N4BP2L1: variants seen among roughly 807,000 people sequenced by gnomAD.
N4BP2L1 encodes the protein NEDD4 binding protein 2 like 1, also known as NEDD4-binding protein 2-like 1.
A neutral mutation model predicts 21.2 loss-of-function variants in N4BP2L1; 12 were observed. That is an observed-to-expected ratio of 0.57 (90% CI 0.36 to 0.92). The LOEUF (loss-of-function observed/expected upper bound fraction) is 0.92, where lower values mean the gene tolerates loss of function less well. Among genes scored for constraint, N4BP2L1 ranks in the 40% least tolerant of loss-of-function variants. The pLI, the probability that N4BP2L1 is intolerant of heterozygous loss-of-function variation, is 0.01. For missense variants in N4BP2L1, 259 were observed against 310.6 expected, an observed-to-expected ratio of 0.83 and a Z score of 1.25; for synonymous variants, 104 against 112.8, an observed-to-expected ratio of 0.92 and a Z score of 0.49.
Position 32,401,939 on chromosome 13 carries a change from A to C in N4BP2L1, c.*1003T>G, listed in dbSNP as rs1439797323. 2.0e-6 allele frequency: 2 copies of C among 985,448 alleles called. No homozygotes were observed. Among genetic ancestry groups the C allele is most frequent in the South Asian group, 4.7e-5 (1 of 21,286 alleles). 61.0% of individuals were successfully genotyped at this position (985,448 alleles called of 1,614,324 possible). On this transcript the variant is annotated 3_prime_UTR_variant, in exon 5 of 5. Transcript: ENST00000380130. ...AATTTGGATTCATAAATTCAGCATC[A>C]GTATAAGAAGACATTCCAGAGTTGT...
chr13:32,413,701 CA>C (rs2073978959), intron 1 of N4BP2L1, among the ~76,000 whole-genome samples: 1 of 151,878 alleles, frequency 6.6e-6, no homozygotes, highest in East Asian at 1.9e-4. Flanking sequence ...TCTCTGATCA[CA>C]AAACAAAAAA....
intron 1 of N4BP2L1, among the ~76,000 whole-genome samples, chr13:32,423,531 T>C (rs1320333019): frequency 6.6e-6 from 1 of 152,228 alleles, no homozygotes; most frequent in Non-Finnish European, 1.5e-5. Flanking sequence ...CTACCCTCTA[T>C]TATGGCAATT....
At chr13:32,422,738 C>T (rs2074552108) in intron 1 of N4BP2L1, among the ~76,000 whole-genome samples, 1 of 152,140 alleles carries the variant, frequency 6.6e-6, no homozygotes, top group South Asian at 2.1e-4. Context: ...GCTTTTAAGT[C>T]CTCATTCATC....
At chr13:32,415,887 C>A (rs1274830197) in intron 1 of N4BP2L1, 1 of 152,168 alleles carries the variant, frequency 6.6e-6, no homozygotes, top group Non-Finnish European at 1.5e-5. Flanking sequence ...CTTCTCTCTC[C>A]CCTTTTCAAC....
intron 1 of N4BP2L1, among the ~76,000 whole-genome samples, chr13:32,410,571 G>C (rs547242184): frequency 3.9e-5 from 6 of 152,270 alleles, no homozygotes; most frequent in African/African-American, 1.4e-4. Flanking sequence ...TCTGTTATTC[G>C]ACTTCTTTAA....
At chr13:32,408,877 T>C (rs577310184) in intron 1 of N4BP2L1, among the ~76,000 whole-genome samples, 177 of 152,350 alleles carry the variant, frequency 1.2e-3, no homozygotes, top group Non-Finnish European at 2.3e-3. Context: ...ACATGAGGCC[T>C]TGGGGCCACA....
At chr13:32,422,589 A>G (rs1021384117) in intron 1 of N4BP2L1, among the ~76,000 whole-genome samples, 5 of 152,284 alleles carry the variant, frequency 3.3e-5, no homozygotes, top group Middle Eastern at 6.8e-3. Context: ...GTCTTCTTCC[A>G]TTGTTCCAAC....
At chr13:32,419,412 ATTTTTTTTTTTTTTTT>A (rs71071039) in intron 1 of N4BP2L1, 65 of 284,668 alleles carry the variant, frequency 2.3e-4, no homozygotes, top group African/African-American at 1.0e-3. Flanking sequence ...TGCTTGGCTA[ATTTTTTTTTTTTTTTT>A]TTTTTTTTTT....
In N4BP2L1 at chr13:32,402,389, A is replaced by T. The variant is rs1451815503; in HGVS notation, c.*553T>A. 1 of 746,734 alleles carries T rather than the reference A, an allele frequency of 1.3e-6. No homozygotes were observed. Among genetic ancestry groups the T allele is most frequent in the Non-Finnish European group, 1.6e-6 (1 of 612,406 alleles). 46.3% of individuals were successfully genotyped at this position (746,734 alleles called of 1,614,324 possible). On this transcript the variant is annotated 3_prime_UTR_variant, in exon 5 of 5. Coordinates refer to ENST00000380130, the MANE Select transcript of N4BP2L1 (RefSeq NM_052818.3). ...CCCAAAGTGTCTACTTTGAAGGACA[A>T]TGTTCCCTTAGATGTATGCTTTCTG...
At chr13:32,404,260 G>A (rs764485230) in intron 4 of N4BP2L1, 61 bp downstream of exon 4, 16 of 1,580,176 alleles carry the variant, frequency 1.0e-5, no homozygotes, top group African/African-American at 2.7e-5. Context: ...TCTTTTGTTC[G>A]GTCTGAAATA....
At chr13:32,413,132 G>T (rs2073951904) in intron 1 of N4BP2L1, among the ~76,000 whole-genome samples, 1 of 152,104 alleles carries the variant, frequency 6.6e-6, no homozygotes, top group Admixed American at 6.5e-5. Context: ...TGCCACGTTG[G>T]TCAGGCTGGT....
intron 4 of N4BP2L1, chr13:32,404,113 G>GATTTAGC: frequency 1.9e-6 from 3 of 1,565,512 alleles, no homozygotes; most frequent in Non-Finnish European, 2.6e-6. Context: ...TCCAAGCCAA[G>GATTTAGC]ATTTAGCATT....
At chr13:32,420,239 T>G (rs920835017) in intron 1 of N4BP2L1, 3 of 152,302 alleles carry the variant, frequency 2.0e-5, no homozygotes, top group African/African-American at 7.2e-5. Flanking sequence ...CAGACTCTAT[T>G]GAGCAGAAAT....
In N4BP2L1 at chr13:32,402,294, G is replaced by T; in HGVS notation, c.*648C>A. 1 of 575,128 alleles carries T rather than the reference G, an allele frequency of 1.7e-6. No individual in the cohort carries two copies. Among genetic ancestry groups the T allele is most frequent in the Non-Finnish European group, 2.2e-6 (1 of 455,432 alleles). The allele number at this position is 575,128 out of a possible 1,614,324, so 35.6% of individuals were successfully genotyped here. A position where few individuals can be genotyped will look rare whatever the true frequency, so the allele number is the denominator to read the frequency against. On this transcript the variant is annotated 3_prime_UTR_variant, in exon 5 of 5. Transcript: ENST00000380130. The stretch of plus-strand genomic sequence containing the variant: ...ATAATGACACTGATTTCCCTCAGTA[G>T]CTCCTGTAGCTATTAAGGATTTGAC...
intron 1 of N4BP2L1, among the ~76,000 whole-genome samples, chr13:32,409,591 T>C (rs748333045): frequency 2.0e-5 from 3 of 152,210 alleles, no homozygotes; most frequent in Non-Finnish European, 4.4e-5. Flanking sequence ...AAGGAATTCA[T>C]GGCCCAGCCA....
chr13:32,419,231 A>C (rs2074316584), intron 1 of N4BP2L1, among the ~76,000 whole-genome samples: 1 of 146,218 alleles, frequency 6.8e-6, no homozygotes, highest in African/African-American at 2.5e-5. Flanking sequence ...AGTTCTCACA[A>C]GATCTGGCTT....
At chr13:32,427,074 G>T (rs1046281874) in intron 1 of N4BP2L1, among the ~76,000 whole-genome samples, 6 of 152,194 alleles carry the variant, frequency 3.9e-5, no homozygotes, top group Non-Finnish European at 8.8e-5. Context: ...GTTCAGGCTG[G>T]AGCGGTGGGG....
At chr13:32,409,834 C>A (rs1310579554) in intron 1 of N4BP2L1, among the ~76,000 whole-genome samples, 4 of 152,078 alleles carry the variant, frequency 2.6e-5, no homozygotes, top group Non-Finnish European at 5.9e-5. Context: ...GAAGGGGCTG[C>A]AGGGAAAAGC....
rs964604354 is a variant in N4BP2L1 at position 32,401,272 on chromosome 13, C to G, written c.*1670G>C. The G allele has an allele frequency of 1.3e-5, 2 of 152,136 alleles. No homozygotes were observed. Among genetic ancestry groups the G allele is most frequent in the South Asian group, 2.1e-4 (1 of 4,830 alleles). The allele number at this position is 152,136 out of a possible 1,614,324, so 9.4% of individuals were successfully genotyped here. A position where few individuals can be genotyped will look rare whatever the true frequency, so the allele number is the denominator to read the frequency against. Reference sequence around the variant, plus strand: ...GCCACCACCCTATCAACCAAGATACCCAGGACTACCTGGGCCTGGAAAATG... The same window carrying G: ...GCCACCACCCTATCAACCAAGATACGCAGGACTACCTGGGCCTGGAAAATG... On this transcript the variant is annotated 3_prime_UTR_variant, in exon 5 of 5. Coordinates refer to ENST00000380130, the MANE Select transcript of N4BP2L1 (RefSeq NM_052818.3).
Sources: allele counts gnomAD v4.1 joint callset (sites outside exome capture counted in the v4.1 genomes callset), GRCh38; gene constraint gnomAD v4.1.1; transcripts MANE v1.5; gene names NCBI Gene and HGNC (gene_info 2026-07-23, HGNC 2026-07-21).